The following GSTA5 variants were observed in gnomAD, a reference collection of about 807,000 sequenced individuals.
GSTA5 encodes the protein glutathione S-transferase A5.
Under a neutral mutation model 21.8 loss-of-function variants are expected in GSTA5, and 25 were observed. The observed-to-expected ratio is 1.14, with a 90% confidence interval of 0.83 to 1.60. The LOEUF is 1.60. GSTA5 is among the 40% of genes most tolerant of loss of function. The pLI is 0.00. For missense variants in GSTA5, 330 were observed against 259.2 expected, an observed-to-expected ratio of 1.27 and a Z score of -1.88; for synonymous variants, 102 against 89.5, an observed-to-expected ratio of 1.14 and a Z score of -0.78.
intron 3 of GSTA5, among the ~76,000 whole-genome samples, 156 bp from the exon 4 acceptor site, chr6:52,834,438 G>C (rs560198919): frequency 6.6e-6 from 1 of 152,030 alleles, no homozygotes; most frequent in Non-Finnish European, 1.5e-5. Context: ...GAGTTTTACA[G>C]GTATATAGTC....
chr6:52,832,092 A>G, intron 5 of GSTA5, 122 bp from the exon 6 acceptor site: 2 of 1,368,698 alleles, frequency 1.5e-6, no homozygotes, highest in East Asian at 2.4e-5. Context: ...GAGTACCAGC[A>G]TGGAGGCAGA....
the GSTA5 span, among the ~76,000 whole-genome samples, chr6:52,845,867 A>AT: frequency 1.3e-5 from 2 of 152,070 alleles, no homozygotes; most frequent in African/African-American, 2.4e-5. Context: ...TCATTTTTAC[A>AT]TTTCTGTAAA....
At chr6:52,845,226 G>A (rs111546227), upstream of GSTA5, among the ~76,000 whole-genome samples, 3,443 of 152,122 alleles carry the variant, frequency 0.023, 132 homozygotes, top group African/African-American at 0.077. Flanking sequence ...CCAAGCAGTG[G>A]GGCACATTGG....
intron 1 of GSTA5, among the ~76,000 whole-genome samples, chr6:52,839,489 A>C (rs974570392): frequency 2.6e-5 from 4 of 152,216 alleles, no homozygotes; most frequent in African/African-American, 7.2e-5. Context: ...AGAACTGAGA[A>C]AGGGTGAGGC....
intron 3 of GSTA5, among the ~76,000 whole-genome samples, chr6:52,835,800 A>G (rs1300544243): frequency 1.3e-5 from 2 of 152,296 alleles, no homozygotes; most frequent in Non-Finnish European, 2.9e-5. Flanking sequence ...GTTCCTGGTC[A>G]TGATTCTTGG....
At chr6:52,838,424 T>G (rs542651940) in intron 1 of GSTA5, among the ~76,000 whole-genome samples, 1 of 152,264 alleles carries the variant, frequency 6.6e-6, no homozygotes, top group Non-Finnish European at 1.5e-5. Context: ...CTTAGAAAAG[T>G]AGCAGGTGTA....
exon 4 of GSTA5, chr6:52,834,217 T>G (rs1764259947): frequency 6.2e-7 from 1 of 1,613,864 alleles, no homozygotes; most frequent in Non-Finnish European, 8.5e-7. Context: ...TTCCTCTGGT[T>G]GACATATGAG....
chr6:52,834,940 C>T (rs888775573), intron 3 of GSTA5, among the ~76,000 whole-genome samples: 1 of 152,194 alleles, frequency 6.6e-6, no homozygotes, highest in African/African-American at 2.4e-5. Context: ...CAATTACAAC[C>T]AGTGCAAACT....
chr6:52,843,880 A>G (rs188700871), upstream of GSTA5, among the ~76,000 whole-genome samples: 16 of 152,296 alleles, frequency 1.1e-4, no homozygotes, highest in Admixed American at 9.2e-4. Flanking sequence ...CTTATATAAT[A>G]TTTTATCACA....
At chr6:52,836,509 T>G in intron 2 of GSTA5, 141 bp from the exon 3 acceptor site, 3 of 828,910 alleles carry the variant, frequency 3.6e-6, no homozygotes, top group Non-Finnish European at 5.6e-6. Context: ...TGAAACAACT[T>G]TTTTCCTTGT....
intron 1 of GSTA5, among the ~76,000 whole-genome samples, chr6:52,838,383 T>C (rs760378296): frequency 7.9e-5 from 12 of 152,236 alleles, no homozygotes; most frequent in Non-Finnish European, 1.6e-4. Context: ...TAGGCTGATA[T>C]CAAGATTAAA....
upstream of GSTA5, among the ~76,000 whole-genome samples, chr6:52,845,596 C>T (rs1336618873): frequency 1.3e-5 from 2 of 152,152 alleles, no homozygotes; most frequent in Non-Finnish European, 2.9e-5. Flanking sequence ...AGAATCTAGT[C>T]CTCCTGACAT....
intron 1 of GSTA5, among the ~76,000 whole-genome samples, chr6:52,839,808 T>C (rs766323214): frequency 6.6e-6 from 1 of 152,212 alleles, no homozygotes; most frequent in Non-Finnish European, 1.5e-5. Flanking sequence ...CATTTCCTAC[T>C]CAAACACTGG....
intron 1 of GSTA5, among the ~76,000 whole-genome samples, chr6:52,840,142 G>A (rs1245263164): frequency 6.6e-6 from 1 of 151,648 alleles, no homozygotes. Context: ...TCATTTTTTT[G>A]TTGTGGAAAT....
chr6:52,831,757 A>G, exon 6 of GSTA5: 1 of 1,452,636 alleles, frequency 6.9e-7, no homozygotes, highest in Non-Finnish European at 9.4e-7. Flanking sequence ...TAGCTTTACA[A>G]GAGGCACAAT....
chr6:52,843,351 A>G (rs538110752), upstream of GSTA5, among the ~76,000 whole-genome samples: 82 of 152,312 alleles, frequency 5.4e-4, no homozygotes, highest in African/African-American at 1.9e-3. Flanking sequence ...TGGTTGAACT[A>G]ATTTACACTC....
upstream of GSTA5, among the ~76,000 whole-genome samples, chr6:52,841,953 A>G (rs565064886): frequency 6.6e-6 from 1 of 152,378 alleles, no homozygotes; most frequent in African/African-American, 2.4e-5. Context: ...ATAGAAAAGA[A>G]TAAAAATATC....
At chr6:52,844,839 A>G (rs1160181827), upstream of GSTA5, among the ~76,000 whole-genome samples, 3 of 152,224 alleles carry the variant, frequency 2.0e-5, no homozygotes, top group Non-Finnish European at 2.9e-5. Context: ...TGAGTAGCCC[A>G]TGGATCTTCT....
exon 5 of GSTA5, chr6:52,832,907 G>A (rs150931839): frequency 3.2e-5 from 52 of 1,614,008 alleles, no homozygotes; most frequent in African/African-American, 6.7e-5. Flanking sequence ...GCTCTTCCAC[G>A]TAGTAGAAAA....
Sources: gnomAD v4.1 joint callset for allele counts (sites outside exome capture counted in the v4.1 genomes callset) on GRCh38, gnomAD v4.1.1 for gene constraint, MANE v1.5 for transcripts, NCBI Gene and HGNC (gene_info 2026-07-23, HGNC 2026-07-21) for gene names.